The following P2RY12 variants were observed in gnomAD, a reference collection of about 807,000 sequenced individuals.
P2RY12 encodes the protein P2Y purinoceptor 12.
Under a neutral mutation model 4.5 loss-of-function variants are expected in P2RY12, and 3 were observed. That is an observed-to-expected ratio of 0.67 (90% confidence interval 0.31 to 1.74). P2RY12 has a LOEUF of 1.74. P2RY12 is among the 40% of genes most tolerant of loss of function. The pLI is 0.09. For synonymous variants in P2RY12, 148 were observed against 154.1 expected (o/e 0.96, Z 0.29); for missense variants, 356 against 407.8 (o/e 0.87, Z 1.09).
At chr3:151,357,104 A>T in intron 1 of P2RY12, 1 of 911,516 alleles carries the variant, frequency 1.1e-6, no homozygotes, top group South Asian at 2.2e-5. Flanking sequence ...AAATTTAGGG[A>T]ATGTATTTGT....
intron 1 of P2RY12, among the ~76,000 whole-genome samples, chr3:151,366,340 A>C (rs1181064890): frequency 6.6e-6 from 1 of 152,172 alleles, no homozygotes; most frequent in African/African-American, 2.4e-5. Context: ...ATGGGACATA[A>C]TCTAACTAAA....
At chr3:151,357,990 T>C (rs1039219110) in intron 1 of P2RY12, among the ~76,000 whole-genome samples, 2 of 152,190 alleles carry the variant, frequency 1.3e-5, no homozygotes, top group Non-Finnish European at 2.9e-5. Context: ...TAAGCTGCTT[T>C]TTATCCACTC....
intron 2 of P2RY12, among the ~76,000 whole-genome samples, chr3:151,339,223 C>G (rs1354811021): frequency 1.3e-5 from 2 of 152,112 alleles, no homozygotes; most frequent in African/African-American, 4.8e-5. Context: ...AGCTTCCCCT[C>G]CATGCCTTTT....
At chr3:151,348,340 C>CAAAAAAAAAAA (rs11382065) in intron 1 of P2RY12, among the ~76,000 whole-genome samples, 2 of 87,802 alleles carry the variant, frequency 2.3e-5, no homozygotes, top group Non-Finnish European at 4.3e-5. Flanking sequence ...ACCACCAGAC[C>CAAAAAAAAAAA]AAAAAAAAAA....
intron 1 of P2RY12, among the ~76,000 whole-genome samples, chr3:151,363,105 G>T (rs115930208): frequency 0.023 from 3,424 of 152,170 alleles, 129 homozygotes; most frequent in African/African-American, 0.078. Context: ...GGCGTGGGGT[G>T]TGTGGAAATT....
intron 1 of P2RY12, chr3:151,357,464 A>G: frequency 3.4e-6 from 4 of 1,180,220 alleles, no homozygotes; most frequent in Non-Finnish European, 4.6e-6. Flanking sequence ...AAAGAAAAAT[A>G]GTACTGATAC....
At chr3:151,366,075 T>A in intron 1 of P2RY12, 1 of 1,176,232 alleles carries the variant, frequency 8.5e-7, no homozygotes, top group Non-Finnish European at 1.1e-6. Context: ...TGGCTTTTAT[T>A]TAATTGATTC....
At chr3:151,376,585 C>T (rs569862580) in intron 1 of P2RY12, among the ~76,000 whole-genome samples, 2 of 152,182 alleles carry the variant, frequency 1.3e-5, no homozygotes, top group South Asian at 4.1e-4. Flanking sequence ...GAGTCAGGCA[C>T]AGTATTAACT....
At position 151,338,372 on chromosome 3, in the gene P2RY12, A is replaced by G. The variant is rs1751327104; in HGVS notation, c.474T>C (p.Pro158=). The G allele has an allele frequency of 6.2e-7, 1 of 1,614,170 alleles. No homozygotes were observed. The highest frequency in any genetic ancestry group is 8.5e-7 in the Non-Finnish European group (1 of 1,180,028). ...IWAFMFLLSL[P]NMILTNRQPR... ...GCTGCCTGTTGGTCAGAATCATGTT[A>G]GGCAAAGAGAGTAAGAACATGAATG... The change falls in exon 3 of 3, where the codon CCT becomes CCC. Residue 158 remains proline, a synonymous_variant. Coordinates refer to ENST00000302632, the MANE Select transcript of P2RY12 (RefSeq NM_022788.5).
intron 1 of P2RY12, among the ~76,000 whole-genome samples, chr3:151,353,870 G>A (rs1753556578): frequency 1.3e-5 from 2 of 151,946 alleles, no homozygotes; most frequent in Admixed American, 1.3e-4. Flanking sequence ...GGCCGGGCGC[G>A]GTGGCTCACG....
chr3:151,380,453 C>T (rs901629398), intron 1 of P2RY12, among the ~76,000 whole-genome samples: 2 of 151,958 alleles, frequency 1.3e-5, no homozygotes, highest in Admixed American at 6.6e-5. Flanking sequence ...AAAAATTAGC[C>T]GGGCATGATG....
In P2RY12 at chr3:151,376,341, T is replaced by C. The variant is rs1053085051; in HGVS notation, c.-180+8351A>G. On this transcript the variant is annotated intron_variant, in intron 1 of 2. Coordinates refer to ENST00000302632, the MANE Select transcript of P2RY12 (RefSeq NM_022788.5). ...CAATTCTGATTTTTATTCCCACACA[T>C]TTTCTGTGGAATTGACATACTTTAT... 6 of 749,894 alleles carry C rather than the reference T, an allele frequency of 8.0e-6. No individual in the cohort carries two copies. The Middle Eastern group carries it at 9.2e-4, about 116-fold the overall frequency. 46.5% of individuals were successfully genotyped at this position (749,894 alleles called of 1,614,324 possible).
intron 1 of P2RY12, among the ~76,000 whole-genome samples, chr3:151,383,186 A>G (rs2108148847): frequency 6.6e-6 from 1 of 152,362 alleles, no homozygotes; most frequent in African/African-American, 2.4e-5. Context: ...AATGTCTCAC[A>G]TATTGTGCAT....
chr3:151,369,310 A>G, intron 1 of P2RY12: 1 of 553,444 alleles, frequency 1.8e-6, no homozygotes. Flanking sequence ...ATGAAGCATC[A>G]ATTAAAGCAA....
At chr3:151,382,614 GAAA>G in intron 1 of P2RY12, 1 of 1,462,814 alleles carries the variant, frequency 6.8e-7, no homozygotes, top group Non-Finnish European at 9.4e-7. Context: ...TTAAATGAGA[GAAA>G]AATTAAACTT....
intron 1 of P2RY12, chr3:151,375,899 G>C (rs1234287199): frequency 1.9e-6 from 1 of 533,982 alleles, no homozygotes; most frequent in Non-Finnish European, 2.8e-6. Context: ...ACTTTTTAAT[G>C]TAATTTTTTA....
chr3:151,340,534 T>C (rs1751678343), intron 2 of P2RY12, 62 bp downstream of exon 2: 3 of 152,588 alleles, frequency 2.0e-5, no homozygotes, highest in Non-Finnish European at 4.4e-5. Context: ...TTGGAAAAAA[T>C]GTACACACAT....
At chr3:151,370,534 G>C (rs1577473774) in intron 1 of P2RY12, among the ~76,000 whole-genome samples, 1 of 152,172 alleles carries the variant, frequency 6.6e-6, no homozygotes, top group Non-Finnish European at 1.5e-5. Flanking sequence ...TAGTAAAAAG[G>C]GGAGGTAGAG....
intron 1 of P2RY12, among the ~76,000 whole-genome samples, chr3:151,342,803 T>C (rs1396253233): frequency 6.6e-6 from 1 of 152,196 alleles, no homozygotes; most frequent in African/African-American, 2.4e-5. Flanking sequence ...AGTCTCAAAA[T>C]TTTAAAAAGA....
Sources: gnomAD v4.1 joint callset for allele counts (sites outside exome capture counted in the v4.1 genomes callset) on GRCh38, gnomAD v4.1.1 for gene constraint, MANE v1.5 for transcripts, NCBI Gene and HGNC (gene_info 2026-07-23, HGNC 2026-07-21) for gene names.